The following KLHDC1 variants were observed in gnomAD, a reference collection of about 807,000 sequenced individuals.
The protein encoded by KLHDC1 is kelch domain-containing protein 1.
KLHDC1 carries 53 observed loss-of-function variants against 68.3 expected under a neutral mutation model. The observed-to-expected ratio is 0.78, with a 90% CI of 0.62 to 0.98. The LOEUF is 0.98. KLHDC1 is among the 50% of genes least tolerant of loss of function. The probability of loss-of-function intolerance (pLI) is 0.00; values close to 1 mark genes in which losing one functional copy is unlikely to be tolerated. For missense variants in KLHDC1, 470 were observed against 492.3 expected (o/e 0.95, Z 0.43); for synonymous variants, 148 against 159.0 (o/e 0.93, Z 0.52).
intron 1 of KLHDC1, among the ~76,000 whole-genome samples, chr14:49,696,954 T>A (rs2139725966): frequency 6.6e-6 from 1 of 151,680 alleles, no homozygotes; most frequent in East Asian, 1.9e-4. Flanking sequence ...TTTTTTTTTT[T>A]AAGACGGAGT....
In KLHDC1 at chr14:49,717,290, A is replaced by G. The variant is rs561418005; in HGVS notation, c.405-6584A>G. Among the ~76,000 whole-genome samples, 26 of 152,250 alleles carry G rather than the reference A, an allele frequency of 1.7e-4. 1 individual carries two copies. In the South Asian group the frequency reaches 2.1e-3, roughly 12 times the overall value. On this transcript the variant is annotated intron_variant, in intron 4 of 12. Transcript: ENST00000359332. ...TTAAGTTTTTGAGGAACCACCAACT[A>G]TTTTCCATAGTGACTATACCATTTT...
At chr14:49,706,649 G>C (rs1026547667) in intron 1 of KLHDC1, among the ~76,000 whole-genome samples, 2 of 152,116 alleles carry the variant, frequency 1.3e-5, no homozygotes, top group Non-Finnish European at 2.9e-5. Flanking sequence ...ATTAGTTACT[G>C]CCTTTCTTTT....
intron 9 of KLHDC1, among the ~76,000 whole-genome samples, chr14:49,733,627 T>G (rs1888867743): frequency 6.6e-6 from 1 of 152,000 alleles, no homozygotes; most frequent in African/African-American, 2.4e-5. Flanking sequence ...TTCACCATGT[T>G]GGCCAGGCTG....
rs918750353 is a variant in KLHDC1, at chr14:49,752,659, A to T, written c.*887A>T. ...GGCCCCCACCATTCTACAGAGTTGT[A>T]CTCAAGACAGATACTGAAAAAATCT... On this transcript the variant is annotated 3_prime_UTR_variant, in exon 13 of 13. Coordinates refer to ENST00000359332, the MANE Select transcript of KLHDC1 (RefSeq NM_172193.3). The T allele has an allele frequency of 6.6e-6, 1 of 151,630 alleles. No individual in the cohort carries two copies. The highest frequency in any genetic ancestry group is 2.4e-5 in the African/African-American group (1 of 40,976). 9.4% of individuals were successfully genotyped at this position (151,630 alleles called of 1,614,324 possible). A position where few individuals can be genotyped will look rare whatever the true frequency, so the allele number is the denominator to read the frequency against.
intron 5 of KLHDC1, 186 bp from the exon 6 acceptor site, chr14:49,725,500 G>T (rs1888645653): frequency 8.9e-6 from 4 of 448,188 alleles, no homozygotes; most frequent in Non-Finnish European, 8.0e-6. Flanking sequence ...GCCAGGTGGT[G>T]CTGCTACTGG....
intron 11 of KLHDC1, among the ~76,000 whole-genome samples, chr14:49,742,749 A>T (rs1889095157): frequency 6.6e-6 from 1 of 151,794 alleles, no homozygotes; most frequent in Non-Finnish European, 1.5e-5. Flanking sequence ...TAAAGAGGAA[A>T]TTTTTACATA....
chr14:49,750,518 CA>C (rs1889298655), intron 12 of KLHDC1, among the ~76,000 whole-genome samples: 1 of 152,102 alleles, frequency 6.6e-6, no homozygotes, highest in African/African-American at 2.4e-5. Context: ...AGAGTTGTTC[CA>C]GAGTGGAGGG....
intron 4 of KLHDC1, among the ~76,000 whole-genome samples, chr14:49,718,744 GTTTTTC>G (rs1340476752): frequency 3.3e-4 from 32 of 97,844 alleles, no homozygotes; most frequent in African/African-American, 1.2e-3. Flanking sequence ...TTGTTTTGTT[GTTTTTC>G]TTTTTCTTTT....
intron 4 of KLHDC1, among the ~76,000 whole-genome samples, chr14:49,722,281 A>G (rs1189420720): frequency 6.6e-6 from 1 of 152,148 alleles, no homozygotes; most frequent in East Asian, 1.9e-4. Flanking sequence ...CGACCCCATG[A>G]CAGGCCCCGG....
At chr14:49,732,288 T>C (rs987510262) in intron 8 of KLHDC1, among the ~76,000 whole-genome samples, 1 of 152,064 alleles carries the variant, frequency 6.6e-6, no homozygotes, top group Admixed American at 6.6e-5. Context: ...TTCTCCTGCC[T>C]CAGCCTCCCG....
intron 1 of KLHDC1, among the ~76,000 whole-genome samples, chr14:49,706,833 GA>G (rs1474201289): frequency 1.3e-5 from 2 of 152,218 alleles, no homozygotes; most frequent in African/African-American, 4.8e-5. Context: ...TAGATTGTTA[GA>G]TTTTTTTCCT....
chr14:49,744,221 T>A (rs879728735), intron 12 of KLHDC1, among the ~76,000 whole-genome samples: 3 of 151,782 alleles, frequency 2.0e-5, no homozygotes, highest in Non-Finnish European at 2.9e-5. Flanking sequence ...AGTGCAGGAG[T>A]TTGAGGCTGC....
intron 4 of KLHDC1, among the ~76,000 whole-genome samples, chr14:49,716,862 A>G (rs1389429644): frequency 6.6e-6 from 1 of 152,146 alleles, no homozygotes; most frequent in Non-Finnish European, 1.5e-5. Flanking sequence ...CCATTAAGCC[A>G]TATCTCCCCA....
chr14:49,742,672 TAAAA>T (rs373370360), intron 11 of KLHDC1, among the ~76,000 whole-genome samples: 2 of 72,036 alleles, frequency 2.8e-5, no homozygotes. Flanking sequence ...GACTCCGTCC[TAAAA>T]AAAAAAAAAA....
chr14:49,725,270 A>G (rs1888636263), intron 5 of KLHDC1, among the ~76,000 whole-genome samples: 1 of 29,578 alleles, frequency 3.4e-5, no homozygotes. Flanking sequence ...AGTAGAAGTG[A>G]TTGGAAGTTT....
rs376263975 is a variant in KLHDC1, at chr14:49,693,153, A to G, written c.-42A>G. The G allele has an allele frequency of 7.9e-5, 121 of 1,531,096 alleles. 1 individual carries two copies. In the African/African-American group the frequency reaches 1.5e-3, roughly 19 times the overall value. 94.8% of individuals were successfully genotyped at this position (1,531,096 alleles called of 1,614,324 possible). A position where few individuals can be genotyped will look rare whatever the true frequency, so the allele number is the denominator to read the frequency against. Reference sequence around the variant, plus strand: ...CTGGAGGCGAGGCCGCCGGGCGGGCAGGGGTTGTGGCGCGGCAAGCGGCGG... The same window carrying G: ...CTGGAGGCGAGGCCGCCGGGCGGGCGGGGGTTGTGGCGCGGCAAGCGGCGG... On this transcript the variant is annotated 5_prime_UTR_variant, in exon 1 of 13. Transcript: ENST00000359332.
chr14:49,732,570 T>C (rs1243398854), intron 8 of KLHDC1, 134 bp from the exon 9 acceptor site: 2 of 470,534 alleles, frequency 4.3e-6, no homozygotes, highest in Admixed American at 4.0e-5. Flanking sequence ...GTTTTTCAAA[T>C]ATTCATGTAG....
Position 49,709,812 on chromosome 14 carries a change from G to A in KLHDC1, c.271G>A (p.Gly91Arg), listed in dbSNP as rs1161775323. 1 of 1,564,870 alleles carries A rather than the reference G, an allele frequency of 6.4e-7. No individual in the cohort carries two copies. The highest frequency in any genetic ancestry group is 2.3e-5 in the East Asian group (1 of 43,124). ...LYIFGGYDDK[G>R]YSNRLYFVNL... ...CATTTTTGGAGGATATGATGACAAA[G>A]GATACAGCAATCGAGTAATAATTTC... Residue 91 changes from glycine (G) to arginine (R), a missense_variant, in exon 3 of 13, where the codon GGA becomes AGA. Coordinates refer to ENST00000359332, the MANE Select transcript of KLHDC1 (RefSeq NM_172193.3).
At chr14:49,711,274 T>C (rs923846652) in intron 4 of KLHDC1, among the ~76,000 whole-genome samples, 1 of 152,236 alleles carries the variant, frequency 6.6e-6, no homozygotes, top group Non-Finnish European at 1.5e-5. Context: ...CAATCTCGGC[T>C]CACTGCAACC....
Sources: allele counts gnomAD v4.1 joint callset (sites outside exome capture counted in the v4.1 genomes callset), GRCh38; gene constraint gnomAD v4.1.1; transcripts MANE v1.5; gene names NCBI Gene and HGNC (gene_info 2026-07-23, HGNC 2026-07-21).